The following NEK6 variants were observed in gnomAD, a reference collection of about 807,000 sequenced individuals.
NEK6 encodes serine/threonine-protein kinase Nek6.
NEK6 carries 27 observed loss-of-function variants against 43.5 expected under a neutral mutation model. That is an observed-to-expected ratio of 0.62 (90% confidence interval 0.46 to 0.86). The LOEUF is 0.86. Ranked by LOEUF, NEK6 falls within the 40% of genes least tolerant of loss-of-function variation. The pLI is 0.00. For synonymous variants in NEK6, 167 were observed against 164.1 expected, an observed-to-expected ratio of 1.02 and a Z score of -0.14; for missense variants, 318 against 414.4, an observed-to-expected ratio of 0.77 and a Z score of 2.02.
chr9:124,312,537 G>C lies in NEK6; in HGVS notation c.119G>C (p.Cys40Ser). Residue 40 changes from cysteine to serine, a missense_variant, in exon 3 of 10, where the codon TGC becomes TCC. Cys to Ser is a moderately radical substitution (Grantham distance 112). This residue lies in a region of NEK6 where 239 missense variants were observed against 344.4 expected (regional missense o/e 0.69). Coordinates refer to ENST00000320246, the MANE Select transcript of NEK6 (RefSeq NM_014397.6). Reference sequence around the variant, plus strand: ...CATCCCAACACGCTGTCTTTTCGCTGCTCGCTGGCGGACTTCCAGATCGAA... The same window carrying C: ...CATCCCAACACGCTGTCTTTTCGCTCCTCGCTGGCGGACTTCCAGATCGAA... Reference protein sequence around the residue: ...QRHPNTLSFRCSLADFQIEKK... With the variant: ...QRHPNTLSFRSSLADFQIEKK... 6.2e-7 allele frequency: 1 copy of C among 1,614,108 alleles called. No homozygotes were observed. The highest frequency in any genetic ancestry group is 8.5e-7 in the Non-Finnish European group (1 of 1,179,978).
chr9:124,268,642 G>A (rs1369074354), intron 1 of NEK6, among the ~76,000 whole-genome samples: 4 of 152,166 alleles, frequency 2.6e-5, no homozygotes, highest in Non-Finnish European at 5.9e-5. Context: ...GCCACGTGGT[G>A]ACGTCCCCAG....
chr9:124,331,509 G>A (rs144722495), intron 7 of NEK6, among the ~76,000 whole-genome samples: 6 of 152,104 alleles, frequency 3.9e-5, no homozygotes, highest in Non-Finnish European at 8.8e-5. Flanking sequence ...CCCAGGGAAG[G>A]GGTCGAGAGA....
rs565354949 is a variant in NEK6, at chr9:124,292,617, A to G, written c.-29-9319A>G. 2,459 of 1,507,158 alleles carry G rather than the reference A, an allele frequency of 1.6e-3. 36 individuals are homozygous for G. The highest frequency in any genetic ancestry group is 0.014 in the South Asian group (1,135 of 83,412). The allele number at this position is 1,507,158 out of a possible 1,614,324, so 93.4% of individuals were successfully genotyped here. On this transcript the variant is annotated intron_variant, in intron 1 of 9. Transcript: ENST00000320246. The stretch of plus-strand genomic sequence containing the variant: ...GGTCCTTCTTCCACTGTCAGTCAGC[A>G]GGGTAGTAGCTGCGGTTCTGCTCTG...
At position 124,352,263 on chromosome 9, in the gene NEK6, CT is replaced by C. The variant is rs1388651920; in HGVS notation, c.*1319del. The C allele has an allele frequency of 3.3e-5, 5 of 152,412 alleles. No homozygotes were observed. Among genetic ancestry groups the C allele is most frequent in the Non-Finnish European group, 5.9e-5 (4 of 68,034 alleles). 9.4% of individuals were successfully genotyped at this position (152,412 alleles called of 1,614,324 possible). A position where few individuals can be genotyped will look rare whatever the true frequency, so the allele number is the denominator to read the frequency against. On this transcript the variant is annotated 3_prime_UTR_variant, in exon 10 of 10. Coordinates refer to ENST00000320246, the MANE Select transcript of NEK6 (RefSeq NM_014397.6). ...GCCTGCAGGCATTCACTGACCAGGC[CT>C]TTCCTGGAGGAAACACCCAGGGCCG...
intron 1 of NEK6, among the ~76,000 whole-genome samples, chr9:124,268,633 C>G (rs898601484): frequency 2.0e-5 from 3 of 152,166 alleles, no homozygotes; most frequent in African/African-American, 7.2e-5. Flanking sequence ...TGTTCACAGG[C>G]CACGTGGTGA....
chr9:124,289,386 C>T (rs1832310853), intron 1 of NEK6, among the ~76,000 whole-genome samples: 3 of 152,246 alleles, frequency 2.0e-5, no homozygotes, highest in Admixed American at 2.0e-4. Context: ...CAAATGGATA[C>T]ACTGTCTGCC....
intron 2 of NEK6, among the ~76,000 whole-genome samples, chr9:124,302,767 G>A (rs1030112486): frequency 1.3e-5 from 2 of 152,240 alleles, no homozygotes; most frequent in African/African-American, 4.8e-5. Context: ...CCGCACACCT[G>A]TGTCCACACA....
intron 1 of NEK6, among the ~76,000 whole-genome samples, chr9:124,269,052 T>C (rs983548117): frequency 1.3e-5 from 2 of 152,196 alleles, no homozygotes; most frequent in Non-Finnish European, 2.9e-5. Context: ...TTTGGGGTTT[T>C]ATGACAAAAA....
chr9:124,283,857 C>A (rs557943792), intron 1 of NEK6, among the ~76,000 whole-genome samples: 1 of 152,266 alleles, frequency 6.6e-6, no homozygotes, highest in Admixed American at 6.5e-5. Context: ...TGTTTCCACA[C>A]CCTGCTTTGC....
At chr9:124,312,764 A>C in intron 3 of NEK6, 115 bp downstream of exon 3, 2 of 1,030,618 alleles carry the variant, frequency 1.9e-6, no homozygotes. Flanking sequence ...GGGAAACAGC[A>C]CTCAACTCAC....
chr9:124,289,973 C>A (rs1422144641), intron 1 of NEK6, among the ~76,000 whole-genome samples: 2 of 152,210 alleles, frequency 1.3e-5, no homozygotes, highest in Non-Finnish European at 2.9e-5. Context: ...TAAAAATGGC[C>A]ACATACTTCC....
intron 4 of NEK6, among the ~76,000 whole-genome samples, chr9:124,318,696 GAGTCTTGCTC>G (rs1301526009): frequency 6.6e-6 from 1 of 152,018 alleles, no homozygotes; most frequent in East Asian, 1.9e-4. Context: ...TTTTGAGACA[GAGTCTTGCTC>G]AGCCACCCAG....
At chr9:124,332,770 TTA>T in intron 7 of NEK6, among the ~76,000 whole-genome samples, 1 of 152,056 alleles carries the variant, frequency 6.6e-6, no homozygotes, top group Non-Finnish European at 1.5e-5. Context: ...CGGGGCCCCT[TTA>T]ATCAGCCTCC....
chr9:124,284,464 T>C (rs977479589), intron 1 of NEK6, among the ~76,000 whole-genome samples: 1 of 152,246 alleles, frequency 6.6e-6, no homozygotes, highest in African/African-American at 2.4e-5. Flanking sequence ...AGGAGTGGAA[T>C]GGGAGCGTGG....
chr9:124,281,487 CTTT>C lies in NEK6; in HGVS notation c.-29-20421_-29-20419del, dbSNP rs759381068. Among the ~76,000 whole-genome samples the C allele has an allele frequency of 3.0e-4, 31 of 102,964 alleles. 1 individual carries two copies. The highest frequency in any genetic ancestry group is 1.1e-3 in the African/African-American group (29 of 25,698). 67.5% of individuals were successfully genotyped at this position (102,964 alleles called of 152,430 possible). On this transcript the variant is annotated intron_variant, in intron 1 of 9. Transcript: ENST00000320246. ...CTACTTTCCATGTCAGCTGTTTTTTCTTTTTTTTTTTTTTTTTTTTTTTTTTTT... is the reference window on the plus strand; with the variant it reads ...CTACTTTCCATGTCAGCTGTTTTTTCTTTTTTTTTTTTTTTTTTTTTTTTT...
At chr9:124,320,225 G>A (rs757455810) in intron 4 of NEK6, among the ~76,000 whole-genome samples, 4 of 152,206 alleles carry the variant, frequency 2.6e-5, no homozygotes, top group Non-Finnish European at 5.9e-5. Flanking sequence ...GGCAGTGGGC[G>A]CCATAGCAGA....
intron 7 of NEK6, 100 bp downstream of exon 7, chr9:124,327,545 C>T: frequency 5.6e-6 from 5 of 890,820 alleles, no homozygotes; most frequent in Non-Finnish European, 9.2e-6. Flanking sequence ...TCAGTTAGTG[C>T]AGGAAGATGC....
intron 1 of NEK6, among the ~76,000 whole-genome samples, chr9:124,258,682 G>A (rs1830905827): frequency 6.6e-6 from 1 of 152,244 alleles, no homozygotes. Flanking sequence ...GGGAGCCCGT[G>A]GAGAGAGAAG....
chr9:124,311,377 C>G (rs1833517464), intron 2 of NEK6, among the ~76,000 whole-genome samples: 1 of 152,152 alleles, frequency 6.6e-6, no homozygotes, highest in Non-Finnish European at 1.5e-5. Flanking sequence ...CCTCATCAGG[C>G]AAATGGAGAC....
Sources: allele counts gnomAD v4.1 joint callset (sites outside exome capture counted in the v4.1 genomes callset), GRCh38; gene constraint gnomAD v4.1.1; regional missense constraint gnomAD v4.1.1; transcripts MANE v1.5; gene names NCBI Gene and HGNC (gene_info 2026-07-23, HGNC 2026-07-21).